The following LIN54 variants were observed in gnomAD, a reference collection of about 807,000 sequenced individuals.
LIN54 encodes protein lin-54 homolog.
A neutral mutation model predicts 78.7 loss-of-function variants in LIN54; 9 were observed. That is an observed-to-expected ratio of 0.11 (90% CI 0.07 to 0.20). The LOEUF is 0.20. Among genes scored for constraint, LIN54 ranks in the 10% least tolerant of loss-of-function variants. The pLI is 1.00. For missense variants in LIN54, 573 were observed against 889.9 expected (o/e 0.64, Z 4.53); for synonymous variants, 269 against 318.4 (o/e 0.84, Z 1.65).
intron 4 of LIN54, among the ~76,000 whole-genome samples, chr4:82,966,851 T>G (rs535929946): frequency 6.6e-6 from 1 of 152,196 alleles, no homozygotes; most frequent in Non-Finnish European, 1.5e-5. Flanking sequence ...TCAGGTGATC[T>G]GCCCACCTCA....
At chr4:82,958,745 C>G (rs538623048) in intron 4 of LIN54, among the ~76,000 whole-genome samples, 1 of 151,988 alleles carries the variant, frequency 6.6e-6, no homozygotes, top group Non-Finnish European at 1.5e-5. Flanking sequence ...CTCCACTGCC[C>G]GTGCTGGAAG....
chr4:82,927,898 G>A lies in LIN54; in HGVS notation c.*204C>T. On this transcript the variant is annotated 3_prime_UTR_variant, in exon 13 of 13. Transcript: ENST00000340417. ...ATATAATAAAGAAAAATTCAATTTA[G>A]AAGGGGCATAAGCAGATTTAACTAA... 2.1e-6 allele frequency: 1 copy of A among 486,202 alleles called. No individual in the cohort carries two copies. The highest frequency in any genetic ancestry group is 3.6e-6 in the Non-Finnish European group (1 of 275,996). 30.1% of individuals were successfully genotyped at this position (486,202 alleles called of 1,614,324 possible).
chr4:82,930,539 A>G (rs140168449), intron 12 of LIN54, among the ~76,000 whole-genome samples: 109 of 152,344 alleles, frequency 7.2e-4, no homozygotes, highest in African/African-American at 2.4e-3. Flanking sequence ...ACGGAGCTGC[A>G]CTATTACAGT....
intron 12 of LIN54, 124 bp downstream of exon 12, chr4:82,930,818 TG>T: frequency 1.3e-6 from 1 of 789,686 alleles, no homozygotes; most frequent in Non-Finnish European, 2.0e-6. Flanking sequence ...TAACTAAAGA[TG>T]GAAAGAAAAC....
At chr4:83,004,014 C>A (rs1401319488) in intron 1 of LIN54, among the ~76,000 whole-genome samples, 2 of 152,070 alleles carry the variant, frequency 1.3e-5, no homozygotes, top group East Asian at 3.9e-4. Context: ...AAAAGCCAAA[C>A]CACTTAACCT....
chr4:82,929,179 GAAA>G (rs1332155436), intron 12 of LIN54, among the ~76,000 whole-genome samples: 1 of 152,152 alleles, frequency 6.6e-6, no homozygotes, highest in Non-Finnish European at 1.5e-5. Context: ...CTTTAAACTA[GAAA>G]ATATTAATTT....
intron 5 of LIN54, among the ~76,000 whole-genome samples, chr4:82,943,733 G>A (rs1723122594): frequency 1.3e-5 from 2 of 151,730 alleles, no homozygotes; most frequent in Admixed American, 6.6e-5. Flanking sequence ...AAGGTGAAAA[G>A]CAAAAAAGGA....
At chr4:82,997,141 A>G (rs999845261) in intron 1 of LIN54, among the ~76,000 whole-genome samples, 5 of 152,160 alleles carry the variant, frequency 3.3e-5, no homozygotes, top group Non-Finnish European at 7.4e-5. Flanking sequence ...TTTACTGTGT[A>G]TAAATCTGAA....
chr4:82,943,861 A>ATCTTT (rs1723140074), intron 5 of LIN54, among the ~76,000 whole-genome samples: 1 of 128,398 alleles, frequency 7.8e-6, no homozygotes, highest in African/African-American at 3.6e-5. Flanking sequence ...GTCAATACTG[A>ATCTTT]TTTTTTTTTT....
chr4:83,003,755 A>G (rs938208215), intron 1 of LIN54, among the ~76,000 whole-genome samples: 1 of 152,124 alleles, frequency 6.6e-6, no homozygotes, highest in Admixed American at 6.6e-5. Flanking sequence ...CAAACACCTG[A>G]GCTCAAGCCA....
At chr4:82,947,233 A>ATTTTTTTTTTTTTTTTTTTTTTT (rs1233101387) in intron 4 of LIN54, among the ~76,000 whole-genome samples, 1 of 16,860 alleles carries the variant, frequency 5.9e-5, no homozygotes, top group African/African-American at 1.5e-4. Context: ...ATATATATAT[A>ATTTTTTTTTTTTTTTTTTTTTTT]TATTTTTTTT....
At chr4:82,989,059 G>T (rs1727436740) in intron 1 of LIN54, among the ~76,000 whole-genome samples, 1 of 151,970 alleles carries the variant, frequency 6.6e-6, no homozygotes, top group Admixed American at 6.6e-5. Context: ...GCGGTGGTGG[G>T]TGCCTGTAGT....
At chr4:82,991,588 T>C (rs561842490) in intron 1 of LIN54, among the ~76,000 whole-genome samples, 1 of 152,320 alleles carries the variant, frequency 6.6e-6, no homozygotes, top group South Asian at 2.1e-4. Flanking sequence ...AGCAGACATA[T>C]TTGCCCTGTT....
intron 1 of LIN54, among the ~76,000 whole-genome samples, chr4:83,001,506 C>T (rs1257950019): frequency 6.6e-6 from 1 of 151,912 alleles, no homozygotes; most frequent in Non-Finnish European, 1.5e-5. Context: ...GCTATGATCA[C>T]ACCACCGCAC....
chr4:82,948,596 A>G (rs1723597527), intron 4 of LIN54, among the ~76,000 whole-genome samples: 1 of 152,166 alleles, frequency 6.6e-6, no homozygotes, highest in Admixed American at 6.5e-5. Flanking sequence ...AGGAATCCCA[A>G]ATACTGTACA....
At chr4:82,987,764 T>C (rs190164226) in intron 1 of LIN54, among the ~76,000 whole-genome samples, 1 of 152,362 alleles carries the variant, frequency 6.6e-6, no homozygotes, top group Non-Finnish European at 1.5e-5. Context: ...CCAAATTTTA[T>C]TTATCCAGTC....
intron 3 of LIN54, among the ~76,000 whole-genome samples, chr4:82,973,716 G>A (rs1161975350): frequency 1.3e-5 from 2 of 152,168 alleles, no homozygotes; most frequent in East Asian, 3.8e-4. Flanking sequence ...ACCATTTCAA[G>A]TCTTGTCAGG....
intron 3 of LIN54, among the ~76,000 whole-genome samples, chr4:82,973,851 C>G (rs1347072915): frequency 6.6e-6 from 1 of 152,190 alleles, no homozygotes; most frequent in East Asian, 1.9e-4. Context: ...CCTACTGTAT[C>G]ACTATAGTGC....
intron 1 of LIN54, among the ~76,000 whole-genome samples, chr4:83,001,781 G>A (rs1408426430): frequency 1.9e-4 from 28 of 145,122 alleles, no homozygotes; most frequent in Non-Finnish European, 4.1e-4. Flanking sequence ...CCGGGAGGCA[G>A]AGCTTGCAGT....
Sources: gnomAD v4.1 joint callset for allele counts (sites outside exome capture counted in the v4.1 genomes callset) on GRCh38, gnomAD v4.1.1 for gene constraint, MANE v1.5 for transcripts, NCBI Gene and HGNC (gene_info 2026-07-23, HGNC 2026-07-21) for gene names.